LRRK2: variants seen among roughly 807,000 people sequenced by gnomAD.
LRRK2 encodes leucine rich repeat kinase 2.
LRRK2 carries 203 observed loss-of-function variants against 302.6 expected under a neutral mutation model. The ratio of observed to expected loss-of-function variants is 0.67; its 90% CI spans 0.60 to 0.75. The LOEUF is 0.75. LRRK2 is among the 30% of genes least tolerant of loss of function. LRRK2 has a pLI of 0.00. For synonymous variants in LRRK2, 1,066 were observed against 1,031.9 expected, an observed-to-expected ratio of 1.03 and a Z score of -0.63; for missense variants, 2,830 against 2,951.0, an observed-to-expected ratio of 0.96 and a Z score of 0.95.
intron 7 of LRRK2, among the ~76,000 whole-genome samples, chr12:40,247,342 T>C (rs1942028935): frequency 6.6e-6 from 1 of 151,614 alleles, no homozygotes; most frequent in East Asian, 1.9e-4. Flanking sequence ...TGACTAAAAC[T>C]GTAAGATGAT....
At chr12:40,325,845 A>G (rs1393778660) in intron 38 of LRRK2, among the ~76,000 whole-genome samples, 2 of 152,212 alleles carry the variant, frequency 1.3e-5, no homozygotes, top group Non-Finnish European at 2.9e-5. Context: ...ACCTTAATAG[A>G]TATGAATAGA....
chr12:40,289,569 C>A (rs1051037035), intron 20 of LRRK2, among the ~76,000 whole-genome samples: 6 of 148,720 alleles, frequency 4.0e-5, no homozygotes, highest in Non-Finnish European at 3.0e-5. Flanking sequence ...TAGATTATAT[C>A]TATAAATTAA....
At chr12:40,339,547 A>G (rs1263155156) in intron 40 of LRRK2, among the ~76,000 whole-genome samples, 1 of 152,192 alleles carries the variant, frequency 6.6e-6, no homozygotes, top group Non-Finnish European at 1.5e-5. Context: ...TGCGTGGGTC[A>G]GTCTCCAGAA....
intron 27 of LRRK2, 25 bp from the exon 28 acceptor site, chr12:40,305,759 GT>G: frequency 6.2e-7 from 1 of 1,610,352 alleles, no homozygotes; most frequent in Non-Finnish European, 8.5e-7. Flanking sequence ...CCACCAACAG[GT>G]TTTGCCCTTT....
chr12:40,249,967 G>A (rs1267093896), intron 8 of LRRK2, 22 bp downstream of exon 8: 1 of 1,612,710 alleles, frequency 6.2e-7, no homozygotes, highest in East Asian at 2.2e-5. Flanking sequence ...CACTAAAAAG[G>A]GGATTCTTAC....
rs572211021 is a variant in LRRK2, at chr12:40,352,942, G to A, written c.6576+1209G>A. Reference sequence around the variant, plus strand: ...TTTTCTACTCGACAAAACCGCCAACGTCATCATGGCCTGTTCTCAATGAGC... The same window carrying A: ...TTTTCTACTCGACAAAACCGCCAACATCATCATGGCCTGTTCTCAATGAGC... On this transcript the variant is annotated intron_variant, in intron 44 of 50. Coordinates refer to ENST00000298910, the MANE Select transcript of LRRK2 (RefSeq NM_198578.4). 5.3e-5 allele frequency among the ~76,000 whole-genome samples: 8 copies of A among 152,340 alleles called. No individual in the cohort carries two copies. In the East Asian group the frequency reaches 5.8e-4, roughly 11 times the overall value.
At chr12:40,314,895 A>G (rs912569135) in intron 32 of LRRK2, among the ~76,000 whole-genome samples, 2 of 152,054 alleles carry the variant, frequency 1.3e-5, no homozygotes. Context: ...TGAAAATAAA[A>G]CATGTCTTTG....
At chr12:40,275,123 T>G (rs1943394907) in intron 16 of LRRK2, 130 bp downstream of exon 16, 2 of 1,028,898 alleles carry the variant, frequency 1.9e-6, no homozygotes, top group East Asian at 2.5e-5. Flanking sequence ...TTTTGTAGTA[T>G]TTTAATTATA....
At chr12:40,225,329 C>G (rs757833277) in intron 1 of LRRK2, 47 bp downstream of exon 1, 1 of 1,604,044 alleles carries the variant, frequency 6.2e-7, no homozygotes. Flanking sequence ...CAAACTTTCT[C>G]CCCCTCCTTA....
At position 40,292,229 on chromosome 12, in the gene LRRK2, A is replaced by G. The variant is rs111693985; in HGVS notation, c.2690-1316A>G. Among the ~76,000 whole-genome samples the G allele has an allele frequency of 7.7e-3, 1,164 of 152,128 alleles. 21 individuals are homozygous for G. Among genetic ancestry groups the G allele is most frequent in the African/African-American group, 0.026 (1,069 of 41,510 alleles). On this transcript the variant is annotated intron_variant, in intron 20 of 50. Transcript: ENST00000298910. Reference sequence around the variant, plus strand: ...AGGCCAGAGTGATCATAGGGCTCACATAATTTGTTTCCCTTCTTTCGGGTA... The same window carrying G: ...AGGCCAGAGTGATCATAGGGCTCACGTAATTTGTTTCCCTTCTTTCGGGTA...
intron 18 of LRRK2, among the ~76,000 whole-genome samples, chr12:40,280,934 G>A (rs1943666920): frequency 6.6e-6 from 1 of 151,792 alleles, no homozygotes. Flanking sequence ...CAGGCGTGGT[G>A]GCAGGTGCCT....
Position 40,309,147 on chromosome 12 carries a change from C to T in LRRK2, c.4231C>T (p.Gln1411Ter), listed in dbSNP as rs1944943383. ...TAGTACTCATCCCCATTTTATGACGCAGCGAGCATTGTACCTTGCTGTCTA... is the reference window on the plus strand; with the variant it reads ...TAGTACTCATCCCCATTTTATGACGTAGCGAGCATTGTACCTTGCTGTCTA... ...FYSTHPHFMTQRALYLAVYDL... is the reference protein window; with the variant it reads ...FYSTHPHFMT The change falls in exon 30 of 51, where the codon CAG (glutamine) becomes TAG (stop). Residue 1411 changes from glutamine (Q) to a stop codon, truncating the protein, a stop_gained. Coordinates refer to ENST00000298910, the MANE Select transcript of LRRK2 (RefSeq NM_198578.4). LOFTEE classifies it high-confidence loss of function. 6.2e-7 allele frequency: 1 copy of T among 1,613,824 alleles called. No homozygotes were observed. The highest frequency in any genetic ancestry group is 1.7e-5 in the Admixed American group (1 of 59,986).
intron 39 of LRRK2, among the ~76,000 whole-genome samples, chr12:40,331,045 T>G (rs1945698401): frequency 6.6e-6 from 1 of 152,202 alleles, no homozygotes; most frequent in Non-Finnish European, 1.5e-5. Flanking sequence ...AATTTTTTTT[T>G]GTATTACTTG....
chr12:40,355,525 C>CTCCCTCCCTCCCTCCCTCCCTCCA (rs1946503792), intron 45 of LRRK2, among the ~76,000 whole-genome samples: 1 of 55,766 alleles, frequency 1.8e-5, no homozygotes, highest in Admixed American at 1.6e-4. Flanking sequence ...CCCTCCCTCC[C>CTCCCTCCCTCCCTCCCTCCCTCCA]TCCCTTCCTT....
chr12:40,232,619 A>G, intron 3 of LRRK2: 1 of 356,522 alleles, frequency 2.8e-6, no homozygotes, highest in Non-Finnish European at 5.0e-6. Flanking sequence ...TTAATAATAT[A>G]ATCATATAAT....
At chr12:40,323,028 T>C in intron 37 of LRRK2, 132 bp from the exon 38 acceptor site, 1 of 747,084 alleles carries the variant, frequency 1.3e-6, no homozygotes, top group South Asian at 1.8e-5. Flanking sequence ...CCTAGAGAAA[T>C]ATAGGATTGG....
intron 13 of LRRK2, among the ~76,000 whole-genome samples, chr12:40,263,108 A>AT (rs1170958948): frequency 2.0e-5 from 3 of 152,178 alleles, no homozygotes; most frequent in Admixed American, 6.5e-5. Flanking sequence ...ATCATAAATG[A>AT]TTTTTTATTA....
At chr12:40,225,802 G>A (rs748190697) in intron 2 of LRRK2, among the ~76,000 whole-genome samples, 162 bp downstream of exon 2, 1 of 152,128 alleles carries the variant, frequency 6.6e-6, no homozygotes, top group African/African-American at 2.4e-5. Context: ...AAATCATTAC[G>A]CAATGTAAAC....
At chr12:40,366,469 AGT>A (rs956877036) in intron 49 of LRRK2, 25 of 154,660 alleles carry the variant, frequency 1.6e-4, no homozygotes, top group Middle Eastern at 3.3e-3. Flanking sequence ...CGGTTGGGTT[AGT>A]GTGTTTTTGT....
Sources: allele counts gnomAD v4.1 joint callset (sites outside exome capture counted in the v4.1 genomes callset), GRCh38; gene constraint gnomAD v4.1.1; transcripts MANE v1.5; gene names NCBI Gene and HGNC (gene_info 2026-07-23, HGNC 2026-07-21).